Variants in PACRG observed in about 807,000 individuals in gnomAD.
The protein encoded by PACRG is parkin coregulated.
Under a neutral mutation model 29.7 loss-of-function variants are expected in PACRG, and 29 were observed. That is an observed-to-expected ratio of 0.98 (90% CI 0.73 to 1.33). PACRG has a LOEUF of 1.33. Among genes scored for constraint, PACRG ranks in the 40% most tolerant of loss-of-function variants. The probability of loss-of-function intolerance (pLI) is 0.00; values close to 1 mark genes in which losing one functional copy is unlikely to be tolerated. For missense variants in PACRG, 279 were observed against 316.2 expected (o/e 0.88, Z 0.89); for synonymous variants, 116 against 118.7 (o/e 0.98, Z 0.15).
rs138881488 is a variant in PACRG, at chr6:163,115,001, C to G, written c.613+25593C>G. 4.1e-3 allele frequency among the ~76,000 whole-genome samples: 620 copies of G among 152,144 alleles called. 5 individuals are homozygous for G. Among genetic ancestry groups the G allele is most frequent in the African/African-American group, 0.014 (573 of 41,496 alleles). On this transcript the variant is annotated intron_variant, in intron 4 of 4. Coordinates refer to ENST00000366888, the MANE Select transcript of PACRG (RefSeq NM_001080379.2). The stretch of plus-strand genomic sequence containing the variant: ...TACAATTTTTATTTGTCAATTATAT[C>G]TCAACAAAGCTGGAAATAAAAGAGG...
rs141220869 is a variant in PACRG, at chr6:163,148,394, C to T, written c.613+58986C>T. On this transcript the variant is annotated intron_variant, in intron 4 of 4. Coordinates refer to ENST00000366888, the MANE Select transcript of PACRG (RefSeq NM_001080379.2). ...TCCAATGCAAACTTTCATTGAAAGG[C>T]GTGATCCTGGAGCCTGTTATAATGT... Among the ~76,000 whole-genome samples the T allele has an allele frequency of 7.2e-4, 109 of 152,266 alleles. 1 individual carries two copies. In the East Asian group the frequency reaches 0.012, roughly 16 times the overall value.
chr6:163,109,439 C>T (rs1815587357), intron 4 of PACRG, among the ~76,000 whole-genome samples: 1 of 152,174 alleles, frequency 6.6e-6, no homozygotes, highest in East Asian at 1.9e-4. Context: ...ATTTGAAAAA[C>T]CTCTCAGCAA....
intron 4 of PACRG, chr6:163,179,476 G>A (rs1398240863): frequency 3.6e-6 from 1 of 274,142 alleles, no homozygotes; most frequent in African/African-American, 2.2e-5. Context: ...GATGAAGGTG[G>A]ATTGCTTCAG....
intron 2 of PACRG, among the ~76,000 whole-genome samples, chr6:162,878,117 T>C (rs1291777673): frequency 6.6e-6 from 1 of 152,184 alleles, no homozygotes; most frequent in Non-Finnish European, 1.5e-5. Context: ...GAGACTTTTT[T>C]ATATTAGGGG....
At chr6:162,755,310 C>T (rs1781824239) in intron 1 of PACRG, among the ~76,000 whole-genome samples, 1 of 151,918 alleles carries the variant, frequency 6.6e-6, no homozygotes, top group Non-Finnish European at 1.5e-5. Flanking sequence ...TGATCTTTGT[C>T]ATTTTCTTTC....
At chr6:162,904,452 T>G (rs1472743448) in intron 2 of PACRG, among the ~76,000 whole-genome samples, 1 of 152,122 alleles carries the variant, frequency 6.6e-6, no homozygotes, top group Non-Finnish European at 1.5e-5. Context: ...TGGGAGCACG[T>G]GGAGTGAGGG....
At chr6:162,966,289 C>G (rs759706988) in intron 2 of PACRG, among the ~76,000 whole-genome samples, 1 of 152,124 alleles carries the variant, frequency 6.6e-6, no homozygotes, top group South Asian at 2.1e-4. Flanking sequence ...TGGTGCCTTC[C>G]GTTCATTGGA....
At chr6:163,179,435 CACGCTTGTAATCCCA>C (rs1410901940) in intron 4 of PACRG, 1 of 307,870 alleles carries the variant, frequency 3.2e-6, no homozygotes, top group East Asian at 8.4e-5. Context: ...CGTGGTGGCT[CACGCTTGTAATCCCA>C]ACACTTTGGG....
intron 3 of PACRG, among the ~76,000 whole-genome samples, chr6:163,082,925 A>G (rs959454774): frequency 1.3e-5 from 2 of 152,190 alleles, no homozygotes; most frequent in South Asian, 2.1e-4. Flanking sequence ...TCCTTGGACT[A>G]ACTACCCAGA....
intron 4 of PACRG, among the ~76,000 whole-genome samples, chr6:163,260,833 A>C (rs1484458663): frequency 6.6e-6 from 1 of 152,112 alleles, no homozygotes. Flanking sequence ...TAACCCTTCC[A>C]TGCTCGTTCC....
chr6:163,050,887 C>T (rs1809933749), intron 2 of PACRG, among the ~76,000 whole-genome samples: 1 of 152,146 alleles, frequency 6.6e-6, no homozygotes, highest in Admixed American at 6.5e-5. Context: ...TGAATATTTA[C>T]ATCTTTCTTA....
intron 4 of PACRG, among the ~76,000 whole-genome samples, chr6:163,289,972 C>T (rs1002509427): frequency 6.6e-6 from 1 of 152,088 alleles, no homozygotes; most frequent in Middle Eastern, 3.2e-3. Flanking sequence ...CTCAGCCTCC[C>T]GAGTAGCTGG....
chr6:163,028,990 T>C (rs1200420683), intron 2 of PACRG, among the ~76,000 whole-genome samples: 2 of 152,126 alleles, frequency 1.3e-5, no homozygotes, highest in Non-Finnish European at 2.9e-5. Context: ...GGTCTTGAGA[T>C]GGGGTGATTA....
At chr6:163,150,892 G>A (rs1236432851) in intron 4 of PACRG, among the ~76,000 whole-genome samples, 1 of 152,108 alleles carries the variant, frequency 6.6e-6, no homozygotes, top group Non-Finnish European at 1.5e-5. Context: ...TTTCTGTGCT[G>A]GGTTTTATCT....
chr6:162,858,862 TCCC>T (rs1791619406), intron 2 of PACRG, among the ~76,000 whole-genome samples: 3 of 152,116 alleles, frequency 2.0e-5, no homozygotes, highest in Non-Finnish European at 2.9e-5. Flanking sequence ...AGAGTGGCCT[TCCC>T]TGCGGTCATG....
At chr6:163,026,920 G>T (rs892644151) in intron 2 of PACRG, among the ~76,000 whole-genome samples, 1 of 152,188 alleles carries the variant, frequency 6.6e-6, no homozygotes, top group East Asian at 1.9e-4. Flanking sequence ...TGTCTTTTGG[G>T]ATTGTATTCA....
chr6:163,000,490 AGT>A (rs1804486204), intron 2 of PACRG, among the ~76,000 whole-genome samples: 1 of 152,020 alleles, frequency 6.6e-6, no homozygotes, highest in Non-Finnish European at 1.5e-5. Flanking sequence ...AACAGAAGAG[AGT>A]GTGGTGGCAT....
chr6:163,176,294 C>T (rs1312073478), intron 4 of PACRG, among the ~76,000 whole-genome samples: 2 of 152,192 alleles, frequency 1.3e-5, no homozygotes, highest in African/African-American at 4.8e-5. Context: ...GTTGCTTCAA[C>T]AATAAAAATT....
intron 4 of PACRG, among the ~76,000 whole-genome samples, chr6:163,151,531 C>T (rs989086493): frequency 1.2e-4 from 18 of 152,112 alleles, no homozygotes; most frequent in Admixed American, 9.2e-4. Context: ...CAAATTAGCA[C>T]GAATCTGTGC....
Sources: gnomAD v4.1 joint callset for allele counts (sites outside exome capture counted in the v4.1 genomes callset) on GRCh38, gnomAD v4.1.1 for gene constraint, MANE v1.5 for transcripts, NCBI Gene and HGNC (gene_info 2026-07-23, HGNC 2026-07-21) for gene names.